The following MOXD1 variants were observed in gnomAD, a reference collection of about 807,000 sequenced individuals.
The protein encoded by MOXD1 is monooxygenase DBH like 1, also known as DBH-like monooxygenase protein 1.
In MOXD1, 62 loss-of-function variants were observed where a neutral mutation model predicts 66.6. The observed-to-expected ratio is 0.93, with a 90% CI of 0.76 to 1.15. MOXD1 has a LOEUF of 1.15. Ranked by LOEUF, MOXD1 falls within the 50% of genes most tolerant of loss-of-function variation. The probability of loss-of-function intolerance (pLI) is 0.00; values close to 1 mark genes in which losing one functional copy is unlikely to be tolerated. For missense variants in MOXD1, 847 were observed against 754.6 expected (o/e 1.12, Z -1.44); for synonymous variants, 303 against 281.9 (o/e 1.07, Z -0.75).
At chr6:132,322,629 G>T (rs1381064645) in intron 8 of MOXD1, 50 bp downstream of exon 8, 2 of 1,550,874 alleles carry the variant, frequency 1.3e-6, no homozygotes, top group Non-Finnish European at 1.8e-6. Flanking sequence ...CAGCAGATAT[G>T]TCTCATGACT....
chr6:132,307,157 TA>T (rs1193801544), intron 10 of MOXD1, among the ~76,000 whole-genome samples: 10 of 150,508 alleles, frequency 6.6e-5, no homozygotes, highest in Non-Finnish European at 1.5e-4. Context: ...AGGCTCAAAA[TA>T]AAGGGATAGA....
At chr6:132,323,209 A>G (rs555957271) in intron 7 of MOXD1, among the ~76,000 whole-genome samples, 1 of 152,344 alleles carries the variant, frequency 6.6e-6, no homozygotes, top group East Asian at 1.9e-4. Context: ...CAAATTCTTA[A>G]AAGGAAATAT....
intron 10 of MOXD1, among the ~76,000 whole-genome samples, chr6:132,315,085 C>T (rs1346459334): frequency 6.6e-6 from 1 of 152,144 alleles, no homozygotes; most frequent in African/African-American, 2.4e-5. Context: ...GCAAACAATG[C>T]AGTTTATGCT....
chr6:132,358,782 G>A (rs770648208), intron 4 of MOXD1, among the ~76,000 whole-genome samples: 25 of 152,154 alleles, frequency 1.6e-4, no homozygotes, highest in African/African-American at 6.0e-4. Flanking sequence ...GACTATGGAA[G>A]ATTGTGATGA....
intron 10 of MOXD1, among the ~76,000 whole-genome samples, chr6:132,313,954 T>G (rs973165815): frequency 2.0e-5 from 3 of 151,960 alleles, no homozygotes; most frequent in African/African-American, 7.3e-5. Context: ...AACCTCTATG[T>G]GTATATTTTC....
intron 10 of MOXD1, among the ~76,000 whole-genome samples, chr6:132,299,202 C>A (rs562912886): frequency 6.6e-6 from 1 of 152,086 alleles, no homozygotes; most frequent in African/African-American, 2.4e-5. Flanking sequence ...CGTGTTCTCA[C>A]ATATAAGTGG....
At chr6:132,303,695 C>T (rs1562276189) in intron 10 of MOXD1, among the ~76,000 whole-genome samples, 1 of 86,192 alleles carries the variant, frequency 1.2e-5, no homozygotes, top group Non-Finnish European at 2.1e-5. Context: ...AAGCAGAGGG[C>T]TGACTGTATA....
intron 4 of MOXD1, among the ~76,000 whole-genome samples, chr6:132,364,747 T>TAGAG (rs1776083146): frequency 6.6e-6 from 1 of 152,182 alleles, no homozygotes; most frequent in Non-Finnish European, 1.5e-5. Flanking sequence ...ATCTAATACA[T>TAGAG]TGCCAAACAT....
At chr6:132,340,441 C>CTTTT (rs71868555) in intron 4 of MOXD1, among the ~76,000 whole-genome samples, 129 of 106,002 alleles carry the variant, frequency 1.2e-3, no homozygotes, top group Middle Eastern at 4.8e-3. Flanking sequence ...GCAACACTTT[C>CTTTT]TTTTTTTTTT....
chr6:132,349,224 T>C (rs1201057262), intron 4 of MOXD1, among the ~76,000 whole-genome samples: 1 of 148,674 alleles, frequency 6.7e-6, no homozygotes, highest in Admixed American at 6.8e-5. Context: ...AGTGAGAACA[T>C]ACAATATTTG....
chr6:132,374,027 C>T (rs1776323060), intron 2 of MOXD1, among the ~76,000 whole-genome samples: 2 of 152,100 alleles, frequency 1.3e-5, no homozygotes, highest in South Asian at 2.1e-4. Flanking sequence ...AAAAGGTAAT[C>T]GTATTGGTCT....
chr6:132,331,589 A>C (rs1199082349), intron 4 of MOXD1, among the ~76,000 whole-genome samples: 1 of 152,160 alleles, frequency 6.6e-6, no homozygotes, highest in African/African-American at 2.4e-5. Context: ...TCTGTCTTTT[A>C]TTTAGACCTA....
intron 1 of MOXD1, among the ~76,000 whole-genome samples, chr6:132,378,309 T>C (rs1011224881): frequency 1.3e-5 from 2 of 152,156 alleles, no homozygotes; most frequent in African/African-American, 4.8e-5. Flanking sequence ...TGCTATTTTC[T>C]GAAGACACCT....
At chr6:132,388,613 T>TAGTG (rs1252704763) in intron 1 of MOXD1, among the ~76,000 whole-genome samples, 5 of 151,320 alleles carry the variant, frequency 3.3e-5, no homozygotes, top group Non-Finnish European at 7.4e-5. Context: ...TGCTTATTAG[T>TAGTG]AACCTTGGAG....
rs532795115 is a variant in MOXD1 at position 132,375,123 on chromosome 6, C to CA, written c.265-347dup. ...TCTTACCGCAAAGTTTGCATTTATACAAAAAAAGTTTGATAACTAGTTAGC... is the reference window on the plus strand; with the variant it reads ...TCTTACCGCAAAGTTTGCATTTATACAAAAAAAAGTTTGATAACTAGTTAGC... On this transcript the variant is annotated intron_variant, in intron 1 of 11. Coordinates refer to ENST00000367963, the MANE Select transcript of MOXD1 (RefSeq NM_015529.4). The CA allele has an allele frequency of 1.9e-3, 663 of 347,068 alleles. 1 individual carries two copies. Among genetic ancestry groups the CA allele is most frequent in the Non-Finnish European group, 2.9e-3 (552 of 193,362 alleles). 21.5% of individuals were successfully genotyped at this position (347,068 alleles called of 1,614,324 possible). A position where few individuals can be genotyped will look rare whatever the true frequency, so the allele number is the denominator to read the frequency against.
intron 1 of MOXD1, among the ~76,000 whole-genome samples, chr6:132,386,229 C>T (rs1406185621): frequency 1.4e-5 from 2 of 141,706 alleles, no homozygotes; most frequent in African/African-American, 2.7e-5. Context: ...GGTGAAACCC[C>T]GTCTCTACTA....
chr6:132,378,985 T>C (rs1480172535), intron 1 of MOXD1, among the ~76,000 whole-genome samples: 1 of 142,284 alleles, frequency 7.0e-6, no homozygotes, highest in Admixed American at 7.6e-5. Context: ...GCGATCTCAG[T>C]TTACTGCAAC....
At chr6:132,373,756 A>C (rs939286066) in intron 2 of MOXD1, among the ~76,000 whole-genome samples, 1 of 152,238 alleles carries the variant, frequency 6.6e-6, no homozygotes, top group African/African-American at 2.4e-5. Context: ...TTTTTGCCAG[A>C]TCTTTGTAAT....
intron 1 of MOXD1, chr6:132,390,537 C>T (rs932324517): frequency 6.6e-6 from 1 of 151,598 alleles, no homozygotes; most frequent in African/African-American, 2.4e-5. Context: ...ATACGGGCTC[C>T]GTGATACCAA....
Sources: gnomAD v4.1 joint callset for allele counts (sites outside exome capture counted in the v4.1 genomes callset) on GRCh38, gnomAD v4.1.1 for gene constraint, MANE v1.5 for transcripts, NCBI Gene and HGNC (gene_info 2026-07-23, HGNC 2026-07-21) for gene names.